The following CFAP251 variants were observed in gnomAD, a reference collection of about 807,000 sequenced individuals.
CFAP251 encodes the protein cilia- and flagella-associated protein 251.
CFAP251 carries 93 observed loss-of-function variants against 126.7 expected under a neutral mutation model. That is an observed-to-expected ratio of 0.73 (90% CI 0.62 to 0.87). The LOEUF (loss-of-function observed/expected upper bound fraction) is 0.87. CFAP251 is among the 40% of genes least tolerant of loss of function. The pLI is 0.00. For missense variants in CFAP251, 1,287 were observed against 1,389.2 expected (o/e 0.93, Z 1.17); for synonymous variants, 503 against 506.9 (o/e 0.99, Z 0.10).
intron 14 of CFAP251, among the ~76,000 whole-genome samples, chr12:121,961,761 C>G (rs1366134150): frequency 1.3e-5 from 2 of 152,234 alleles, no homozygotes; most frequent in African/African-American, 4.8e-5. Flanking sequence ...TTAGAGCACT[C>G]AGCTCATTGT....
chr12:121,944,220 T>TA (rs1202191403), intron 7 of CFAP251, among the ~76,000 whole-genome samples: 2 of 152,218 alleles, frequency 1.3e-5, no homozygotes, highest in Admixed American at 6.5e-5. Flanking sequence ...TTGCAGGATC[T>TA]AAAATCCAAA....
At chr12:121,941,955 CTT>C (rs1377446201) in intron 5 of CFAP251, among the ~76,000 whole-genome samples, 2 of 152,162 alleles carry the variant, frequency 1.3e-5, no homozygotes, top group Non-Finnish European at 2.9e-5. Flanking sequence ...TCCTAGTCAT[CTT>C]TTCATATTTA....
At chr12:121,949,481 G>GT (rs35166640) in intron 8 of CFAP251, 22,711 of 122,942 alleles carry the variant, frequency 0.18, 3,543 homozygotes, top group African/African-American at 0.44. Context: ...AATACAGCAG[G>GT]TTTTTTTTTT....
intron 2 of CFAP251, 31 bp from the exon 3 acceptor site, chr12:121,923,591 T>C: frequency 6.3e-7 from 1 of 1,578,388 alleles, no homozygotes; most frequent in Non-Finnish European, 8.6e-7. Context: ...GCAGCACATA[T>C]GGAATCATGA....
intron 15 of CFAP251, among the ~76,000 whole-genome samples, chr12:121,963,260 G>A (rs1337156127): frequency 2.0e-5 from 3 of 152,150 alleles, no homozygotes; most frequent in African/African-American, 7.2e-5. Context: ...GGAGGGAACA[G>A]GAGGTGTGAG....
Position 121,989,087 on chromosome 12 carries a change from G to A in CFAP251, c.3007-10629G>A, listed in dbSNP as rs934092032. 3.9e-5 allele frequency among the ~76,000 whole-genome samples: 6 copies of A among 152,202 alleles called. No homozygotes were observed. The highest frequency in any genetic ancestry group is 1.4e-4 in the African/African-American group (6 of 41,442). ...AACCATCTGGGGCTTTAGGGTGCAT[G>A]AGGCAGGATCAGGATTTTAGAGAGC... On this transcript the variant is annotated intron_variant, in intron 19 of 21. Coordinates refer to ENST00000288912, the MANE Select transcript of CFAP251 (RefSeq NM_144668.6). This position sits in a 1 kb window ranked among gnomAD's most constrained non-coding sequence, Gnocchi z 4.2.
Position 121,967,011 on chromosome 12 carries a change from C to T in CFAP251, c.2549C>T (p.Pro850Leu), listed in dbSNP as rs1882165986. ...GSPIEQTQVL[P>L]VRSMAELQKR... ...CCTATTGAGCAGACACAAGTCCTCC[C>T]AGTGAGAAGCATGGCGGAGCTACAG... The change falls in exon 16 of 22, where the codon CCA becomes CTA. Residue 850 changes from proline (P) to leucine (L), a missense_variant. Coordinates refer to ENST00000288912, the MANE Select transcript of CFAP251 (RefSeq NM_144668.6). The T allele has an allele frequency of 1.2e-6, 2 of 1,614,222 alleles. No homozygotes were observed. Among genetic ancestry groups the T allele is most frequent in the Non-Finnish European group, 1.7e-6 (2 of 1,180,034 alleles).
At chr12:121,996,069 A>T (rs1309259911) in intron 19 of CFAP251, among the ~76,000 whole-genome samples, 1 of 152,190 alleles carries the variant, frequency 6.6e-6, no homozygotes, top group Admixed American at 6.5e-5. Context: ...ATAGGTTGGT[A>T]GCTTGGCAGT....
intron 19 of CFAP251, among the ~76,000 whole-genome samples, chr12:121,979,282 G>A (rs1268104235): frequency 6.6e-6 from 1 of 152,192 alleles, no homozygotes; most frequent in Non-Finnish European, 1.5e-5. Context: ...AGAAACATAA[G>A]CAACTCTGAG....
At chr12:121,934,562 G>C (rs570664627) in intron 5 of CFAP251, among the ~76,000 whole-genome samples, 121 of 152,348 alleles carry the variant, frequency 7.9e-4, no homozygotes, top group African/African-American at 2.9e-3. Flanking sequence ...TTTACAATGA[G>C]AAACATTACT....
At chr12:121,996,748 A>G (rs1273059499) in intron 19 of CFAP251, 1 of 152,172 alleles carries the variant, frequency 6.6e-6, no homozygotes, top group Non-Finnish European at 1.5e-5. Flanking sequence ...GGCAGTAGTA[A>G]CACCATCACC....
intron 19 of CFAP251, among the ~76,000 whole-genome samples, chr12:121,977,968 A>AAAAT (rs879718417): frequency 1.3e-5 from 2 of 151,742 alleles, no homozygotes; most frequent in East Asian, 1.9e-4. Context: ...CAGAAAAATA[A>AAAAT]AAATAAATAA....
Position 121,978,276 on chromosome 12 carries a change from C to G in CFAP251, c.3006+2591C>G, listed in dbSNP as rs542861175. 4.0e-5 allele frequency among the ~76,000 whole-genome samples: 6 copies of G among 150,180 alleles called. No individual in the cohort carries two copies. The East Asian group carries it at 9.9e-4, about 25-fold the overall frequency. On this transcript the variant is annotated intron_variant, in intron 19 of 21. Coordinates refer to ENST00000288912, the MANE Select transcript of CFAP251 (RefSeq NM_144668.6). The stretch of plus-strand genomic sequence containing the variant: ...GAGCGTGGTGGCGGGTGCCTATAGT[C>G]CCAGCTACTCAGGAGGCTGAGGCAG...
At chr12:121,975,451 G>T in intron 18 of CFAP251, 91 bp from the exon 19 acceptor site, 2 of 1,580,224 alleles carry the variant, frequency 1.3e-6, no homozygotes, top group Non-Finnish European at 1.7e-6. Flanking sequence ...CAGCTTAAAA[G>T]GTACTTTCTA....
At chr12:121,919,695 C>G (rs1321593977) in intron 1 of CFAP251, among the ~76,000 whole-genome samples, 2 of 152,116 alleles carry the variant, frequency 1.3e-5, no homozygotes, top group Non-Finnish European at 2.9e-5. Context: ...TTGCTTTTAA[C>G]CACTAGGCTA....
chr12:121,982,969 G>A (rs1882660021), intron 19 of CFAP251, among the ~76,000 whole-genome samples: 1 of 152,036 alleles, frequency 6.6e-6, no homozygotes, highest in South Asian at 2.1e-4. Flanking sequence ...TAGGCACAGT[G>A]GCTCACAATC....
chr12:121,957,370 C>T, intron 11 of CFAP251, 102 bp downstream of exon 11: 1 of 1,193,966 alleles, frequency 8.4e-7, no homozygotes, highest in Non-Finnish European at 1.2e-6. Flanking sequence ...TGGGATATCT[C>T]CCTGGCTGAT....
chr12:121,942,811 T>C lies in CFAP251; in HGVS notation c.1111-84T>C, dbSNP rs561320322. ...GGCCTCTGTCCTTAGTTACTTGAAG[T>C]TTTGGGGTCACCACAAGAGGTGTAA... On this transcript the variant is annotated intron_variant, in intron 6 of 21. Transcript: ENST00000288912. The C allele has an allele frequency of 1.1e-3, 1,699 of 1,488,120 alleles. 2 individuals carry two copies. Among genetic ancestry groups the C allele is most frequent in the Non-Finnish European group, 1.3e-3 (1,387 of 1,068,090 alleles). The allele number at this position is 1,488,120 out of a possible 1,614,324, so 92.2% of individuals were successfully genotyped here. A position where few individuals can be genotyped will look rare whatever the true frequency, so the allele number is the denominator to read the frequency against.
At chr12:121,938,412 C>T (rs1277292473) in intron 5 of CFAP251, among the ~76,000 whole-genome samples, 1 of 151,948 alleles carries the variant, frequency 6.6e-6, no homozygotes, top group Non-Finnish European at 1.5e-5. Context: ...ACTTCTATCT[C>T]CTGGGCTCAG....
Sources: allele counts gnomAD v4.1 joint callset (sites outside exome capture counted in the v4.1 genomes callset), GRCh38; gene constraint gnomAD v4.1.1; non-coding constraint Gnocchi (gnomAD v3.1); transcripts MANE v1.5; gene names NCBI Gene and HGNC (gene_info 2026-07-23, HGNC 2026-07-21).